Variants in ARHGAP18 observed in about 807,000 individuals in gnomAD.
The protein encoded by ARHGAP18 is rho GTPase-activating protein 18.
Under a neutral mutation model 86.2 loss-of-function variants are expected in ARHGAP18, and 67 were observed. The observed-to-expected ratio is 0.78, with a 90% confidence interval of 0.64 to 0.95. The LOEUF is 0.95. Among genes scored for constraint, ARHGAP18 ranks in the 40% least tolerant of loss-of-function variants. The pLI, the probability that ARHGAP18 is intolerant of heterozygous loss-of-function variation, is 0.00. For synonymous variants in ARHGAP18, 283 were observed against 280.4 expected, an observed-to-expected ratio of 1.01 and a Z score of -0.09; for missense variants, 691 against 780.4, an observed-to-expected ratio of 0.89 and a Z score of 1.37.
At chr6:129,688,487 A>G (rs1774470476) in intron 1 of ARHGAP18, among the ~76,000 whole-genome samples, 1 of 152,228 alleles carries the variant, frequency 6.6e-6, no homozygotes, top group Non-Finnish European at 1.5e-5. Context: ...ACCACAGCAC[A>G]GTTTTTAAAA....
At chr6:129,602,254 C>A (rs1788762394) in intron 10 of ARHGAP18, among the ~76,000 whole-genome samples, 1 of 152,110 alleles carries the variant, frequency 6.6e-6, no homozygotes, top group African/African-American at 2.4e-5. Flanking sequence ...GTAATTACCT[C>A]CATTTTACAG....
intron 3 of ARHGAP18, among the ~76,000 whole-genome samples, chr6:129,635,493 G>A (rs1773313695): frequency 6.6e-6 from 1 of 152,194 alleles, no homozygotes. Context: ...GCCGGCAGAG[G>A]CTGGCCCTGC....
Position 129,600,639 on chromosome 6 carries a change from T to C in ARHGAP18, c.1572+3A>G. 2 of 1,612,018 alleles carry C rather than the reference T, an allele frequency of 1.2e-6. No individual in the cohort carries two copies. The highest frequency in any genetic ancestry group is 1.7e-6 in the Non-Finnish European group (2 of 1,178,442). ...AAGACCAAAGCATATGATATATACT[T>C]ACTGTCCACAGAAGTTTTTGGTACT... is the stretch of plus-strand genomic sequence containing the variant. On this transcript the variant is annotated splice_donor_region_variant and intron_variant, in intron 11 of 14. Coordinates refer to ENST00000368149, the MANE Select transcript of ARHGAP18 (RefSeq NM_033515.3).
At chr6:129,602,239 A>G (rs951081096) in intron 10 of ARHGAP18, among the ~76,000 whole-genome samples, 3 of 152,186 alleles carry the variant, frequency 2.0e-5, no homozygotes, top group Non-Finnish European at 2.9e-5. Context: ...TTGGAGACAG[A>G]TGCTGTAATT....
At chr6:129,637,185 C>T (rs1322714682) in intron 3 of ARHGAP18, among the ~76,000 whole-genome samples, 1 of 151,924 alleles carries the variant, frequency 6.6e-6, no homozygotes, top group Admixed American at 6.6e-5. Context: ...TGGCCTCAGC[C>T]CCGCAAGTAG....
At chr6:129,648,866 A>T (rs866224116) in intron 1 of ARHGAP18, among the ~76,000 whole-genome samples, 26 of 152,300 alleles carry the variant, frequency 1.7e-4, no homozygotes, top group Middle Eastern at 3.4e-3. Context: ...GTCCATCAGA[A>T]TATGCTGAAT....
intron 13 of ARHGAP18, among the ~76,000 whole-genome samples, chr6:129,582,697 A>C (rs1788313444): frequency 6.6e-6 from 1 of 152,204 alleles, no homozygotes; most frequent in Non-Finnish European, 1.5e-5. Flanking sequence ...CAGATCTATG[A>C]TGCTCTGTAG....
chr6:129,584,850 C>T (rs1403904801), intron 12 of ARHGAP18, among the ~76,000 whole-genome samples: 1 of 152,116 alleles, frequency 6.6e-6, no homozygotes, highest in Non-Finnish European at 1.5e-5. Flanking sequence ...ACAGCACGCA[C>T]AAATCATGTT....
chr6:129,619,595 GA>G (rs1250528370), intron 5 of ARHGAP18, among the ~76,000 whole-genome samples: 1 of 110,134 alleles, frequency 9.1e-6, no homozygotes, highest in African/African-American at 3.5e-5. Flanking sequence ...GGGGAGCAGG[GA>G]AGGGGAGAGG....
chr6:129,580,167 T>C (rs370714504), intron 13 of ARHGAP18, 36 bp from the exon 14 acceptor site: 46 of 1,570,638 alleles, frequency 2.9e-5, no homozygotes, highest in Non-Finnish European at 3.8e-5. Flanking sequence ...AGTTGTATCA[T>C]CAAACAGCTT....
intron 1 of ARHGAP18, among the ~76,000 whole-genome samples, chr6:129,700,749 G>T (rs1230313057): frequency 6.6e-6 from 1 of 152,078 alleles, no homozygotes; most frequent in Non-Finnish European, 1.5e-5. Context: ...CTTGAGTTAG[G>T]TATTATTATT....
intron 5 of ARHGAP18, among the ~76,000 whole-genome samples, chr6:129,628,232 C>T (rs1212185687): frequency 6.6e-6 from 1 of 152,150 alleles, no homozygotes; most frequent in Admixed American, 6.5e-5. Context: ...GAAATGGATG[C>T]TTTCAAGTCT....
intron 1 of ARHGAP18, among the ~76,000 whole-genome samples, chr6:129,674,533 T>C (rs1774198019): frequency 6.6e-6 from 1 of 152,194 alleles, no homozygotes; most frequent in African/African-American, 2.4e-5. Context: ...GAAAAATAAA[T>C]ATCCCACAAA....
Position 129,577,853 on chromosome 6 carries a change from C to T in ARHGAP18, c.*660G>A, listed in dbSNP as rs1016662831. ...TTCAGTAATAACTGGCAGCTTCTGACAGTCCTATTTTCTTGGTCGCTGATA... is the reference window on the plus strand; with the variant it reads ...TTCAGTAATAACTGGCAGCTTCTGATAGTCCTATTTTCTTGGTCGCTGATA... On this transcript the variant is annotated 3_prime_UTR_variant, in exon 15 of 15. Coordinates refer to ENST00000368149, the MANE Select transcript of ARHGAP18 (RefSeq NM_033515.3). The T allele has an allele frequency of 2.0e-5, 3 of 152,040 alleles. No individual in the cohort carries two copies. The South Asian group carries it at 6.2e-4, about 32-fold the overall frequency. 9.4% of individuals were successfully genotyped at this position (152,040 alleles called of 1,614,324 possible).
chr6:129,676,722 T>C (rs1774236998), intron 1 of ARHGAP18, among the ~76,000 whole-genome samples: 1 of 152,080 alleles, frequency 6.6e-6, no homozygotes, highest in Admixed American at 6.5e-5. Context: ...CATCACCAGT[T>C]AGACACGAGC....
chr6:129,621,913 A>G (rs1370075132), intron 5 of ARHGAP18, among the ~76,000 whole-genome samples: 2 of 149,352 alleles, frequency 1.3e-5, no homozygotes, highest in Non-Finnish European at 3.0e-5. Context: ...GAAGATGCAA[A>G]TTCAGTTCTC....
At chr6:129,619,828 G>A (rs1298717168) in intron 5 of ARHGAP18, among the ~76,000 whole-genome samples, 2 of 151,936 alleles carry the variant, frequency 1.3e-5, no homozygotes, top group Admixed American at 1.3e-4. Flanking sequence ...ATTGGGGTAA[G>A]AGGGACACAG....
chr6:129,658,863 G>A (rs1773893620), intron 1 of ARHGAP18, among the ~76,000 whole-genome samples: 2 of 152,182 alleles, frequency 1.3e-5, no homozygotes, highest in East Asian at 3.8e-4. Flanking sequence ...AAGCACAATT[G>A]TGGGGGTAAT....
intron 12 of ARHGAP18, among the ~76,000 whole-genome samples, chr6:129,598,078 T>A (rs970750961): frequency 6.6e-6 from 1 of 151,888 alleles, no homozygotes; most frequent in Non-Finnish European, 1.5e-5. Flanking sequence ...TTAATATGAA[T>A]AAGAAGGGCT....
Sources: gnomAD v4.1 joint callset for allele counts (sites outside exome capture counted in the v4.1 genomes callset) on GRCh38, gnomAD v4.1.1 for gene constraint, MANE v1.5 for transcripts, NCBI Gene and HGNC (gene_info 2026-07-23, HGNC 2026-07-21) for gene names.